The following TLK2 variants were observed in gnomAD, a reference collection of about 807,000 sequenced individuals.
TLK2 encodes the protein serine/threonine-protein kinase tousled-like 2.
Under a neutral mutation model 117.3 loss-of-function variants are expected in TLK2, and 6 were observed. The ratio of observed to expected loss-of-function variants is 0.05; its 90% CI spans 0.03 to 0.10. The LOEUF (loss-of-function observed/expected upper bound fraction) is 0.10. TLK2 is among the 10% of genes least tolerant of loss of function. The pLI is 1.00. For synonymous variants in TLK2, 257 were observed against 316.7 expected, an observed-to-expected ratio of 0.81 and a Z score of 2.00; for missense variants, 299 against 901.2, an observed-to-expected ratio of 0.33 and a Z score of 8.56.
At chr17:62,476,883 A>G (rs1186151478), upstream of TLK2, among the ~76,000 whole-genome samples, 2 of 151,672 alleles carry the variant, frequency 1.3e-5, no homozygotes, top group Non-Finnish European at 2.9e-5. Context: ...GGAATTCGAG[A>G]CCAACGTGGC....
At chr17:62,475,882 C>T (rs1448958613), upstream of TLK2, among the ~76,000 whole-genome samples, 1 of 151,346 alleles carries the variant, frequency 6.6e-6, no homozygotes, top group Non-Finnish European at 1.5e-5. Flanking sequence ...AGGATGGTCT[C>T]GACCTCCTGA....
chr17:62,572,994 A>AT (rs1427270018), intron 11 of TLK2: 1 of 474,826 alleles, frequency 2.1e-6, no homozygotes, highest in African/African-American at 2.0e-5. Context: ...CACTCTGAAA[A>AT]TAGTAATAAC....
At chr17:62,609,225 G>A (rs2147302577) in intron 21 of TLK2, among the ~76,000 whole-genome samples, 1 of 152,268 alleles carries the variant, frequency 6.6e-6, no homozygotes, top group East Asian at 1.9e-4. Context: ...TGGGACTACA[G>A]GTGTGCACCA....
intron 4 of TLK2, among the ~76,000 whole-genome samples, chr17:62,522,923 A>G (rs1465066038): frequency 6.6e-6 from 1 of 152,190 alleles, no homozygotes; most frequent in Non-Finnish European, 1.5e-5. Flanking sequence ...AAGCTGTGAA[A>G]AATTCTTCCT....
At chr17:62,572,393 G>A (rs932223592) in intron 11 of TLK2, among the ~76,000 whole-genome samples, 5 of 151,822 alleles carry the variant, frequency 3.3e-5, no homozygotes, top group Non-Finnish European at 7.4e-5. Context: ...TATCTGTTAG[G>A]TGGTAGGATA....
At chr17:62,591,738 A>G (rs2082098344) in intron 16 of TLK2, among the ~76,000 whole-genome samples, 1 of 152,124 alleles carries the variant, frequency 6.6e-6, no homozygotes, top group Non-Finnish European at 1.5e-5. Flanking sequence ...CACTTCCCCT[A>G]ATTTTTCCCT....
At chr17:62,476,114 A>C (rs1019594125), upstream of TLK2, among the ~76,000 whole-genome samples, 1 of 152,074 alleles carries the variant, frequency 6.6e-6, no homozygotes, top group African/African-American at 2.4e-5. Flanking sequence ...CAAGTAGCTG[A>C]AAGTACAGGT....
upstream of TLK2, among the ~76,000 whole-genome samples, chr17:62,474,110 G>A (rs1376866466): frequency 6.6e-6 from 1 of 151,772 alleles, no homozygotes; most frequent in East Asian, 1.9e-4. Context: ...ACCGAGTCTC[G>A]CTCTGTCGCC....
intron 2 of TLK2, among the ~76,000 whole-genome samples, chr17:62,511,314 A>G (rs547209610): frequency 5.9e-5 from 9 of 152,140 alleles, no homozygotes; most frequent in African/African-American, 1.7e-4. Context: ...CTACAGATCT[A>G]TTTTCCTCTA....
At chr17:62,537,819 A>G (rs2077215195) in intron 7 of TLK2, among the ~76,000 whole-genome samples, 1 of 152,182 alleles carries the variant, frequency 6.6e-6, no homozygotes, top group African/African-American at 2.4e-5. Flanking sequence ...GTGTGAAGAC[A>G]GTATATCCTA....
intron 6 of TLK2, among the ~76,000 whole-genome samples, chr17:62,526,015 C>T (rs1460370904): frequency 2.0e-5 from 3 of 152,136 alleles, no homozygotes; most frequent in Non-Finnish European, 4.4e-5. Flanking sequence ...GTGTGACCAC[C>T]CATCTCTCAT....
At chr17:62,473,007 AAAATAAC>A (rs1309377341) in intron 1 of TLK2, among the ~76,000 whole-genome samples, 1 of 152,148 alleles carries the variant, frequency 6.6e-6, no homozygotes, top group Non-Finnish European at 1.5e-5. Context: ...TACAAGCAAA[AAAATAAC>A]AAACAGCCAA....
chr17:62,602,289 A>G, intron 19 of TLK2, 109 bp downstream of exon 19: 1 of 1,194,354 alleles, frequency 8.4e-7, no homozygotes, highest in Non-Finnish European at 1.1e-6. Flanking sequence ...CAAAAATGCC[A>G]TAAACCAAAG....
chr17:62,587,439 T>G (rs892908014), intron 16 of TLK2, among the ~76,000 whole-genome samples: 2 of 152,186 alleles, frequency 1.3e-5, no homozygotes, highest in Non-Finnish European at 2.9e-5. Context: ...TTGTTTGTTT[T>G]ATAAATAATA....
At position 62,608,137 on chromosome 17, in the gene TLK2, C is replaced by T. The variant is rs1381790010; in HGVS notation, c.2068C>T (p.Pro690Ser). 15 of 1,613,152 alleles carry T rather than the reference C, an allele frequency of 9.3e-6. No individual in the cohort carries two copies. Among genetic ancestry groups the T allele is most frequent in the South Asian group, 7.7e-5 (7 of 90,848 alleles). Reference protein sequence around the residue: ...VQFPPKPVVTPEAKAFIRRCL... With the variant: ...VQFPPKPVVTSEAKAFIRRCL... ...GTTCCCGCCAAAGCCAGTAGTAACACCTGAAGCAAAGGTAAGTTTTGTTTG... is the reference window on the plus strand; with the variant it reads ...GTTCCCGCCAAAGCCAGTAGTAACATCTGAAGCAAAGGTAAGTTTTGTTTG... Residue 690 changes from proline to serine, a missense_variant, in exon 21 of 22, where the codon CCT becomes TCT. Physicochemically the swap from Pro to Ser is moderately conservative, Grantham distance 74 (BLOSUM62 -1). Coordinates refer to ENST00000346027, the MANE Select transcript of TLK2 (RefSeq NM_006852.6).
rs869092720 is a variant in TLK2 at position 62,471,888 on chromosome 17, CTTTTTTTTTTT to C, written c.-205+829_-205+839del. 5.2e-3 allele frequency among the ~76,000 whole-genome samples: 195 copies of C among 37,782 alleles called. 4 individuals are homozygous for C. Among genetic ancestry groups the C allele is most frequent in the African/African-American group, 0.015 (134 of 9,124 alleles). 24.8% of individuals were successfully genotyped at this position (37,782 alleles called of 152,430 possible). The stretch of plus-strand genomic sequence containing the variant: ...GGCATGGAAGATTAGGTAGTATAGT[CTTTTTTTTTTT>C]TTTTTTTTTTTTTTTTTTAGACAGA... On this transcript the variant is annotated intron_variant, in intron 1 of 4. Transcript: ENST00000579450.
chr17:62,536,116 C>A, intron 6 of TLK2, 54 bp from the exon 7 acceptor site: 1 of 1,567,886 alleles, frequency 6.4e-7, no homozygotes, highest in South Asian at 1.2e-5. Flanking sequence ...CATGTTTGGG[C>A]AGTATCAGAT....
intron 2 of TLK2, among the ~76,000 whole-genome samples, chr17:62,518,480 G>A (rs2075791987): frequency 6.6e-6 from 1 of 152,170 alleles, no homozygotes; most frequent in Non-Finnish European, 1.5e-5. Context: ...GAGGTGGGCG[G>A]ATCACTTGAA....
rs2071271253 is a variant in TLK2 at position 62,479,028 on chromosome 17, GC to G, written c.-266del. ...GGAGGCCGGTCCCGCGCCCCCCGCG[GC>G]CGCCCGGGCCCGGGCCCGCGTCGGG... On this transcript the variant is annotated 5_prime_UTR_variant, in exon 1 of 22. Transcript: ENST00000346027. 6.6e-6 allele frequency: 1 copy of G among 150,444 alleles called. No individual in the cohort carries two copies. The highest frequency in any genetic ancestry group is 2.1e-4 in the South Asian group (1 of 4,840). The allele number at this position is 150,444 out of a possible 1,614,324, so 9.3% of individuals were successfully genotyped here.
Sources: allele counts gnomAD v4.1 joint callset (sites outside exome capture counted in the v4.1 genomes callset), GRCh38; gene constraint gnomAD v4.1.1; transcripts MANE v1.5; gene names NCBI Gene and HGNC (gene_info 2026-07-23, HGNC 2026-07-21).